The following FZD6 variants were observed in gnomAD, a reference collection of about 807,000 sequenced individuals.
The protein encoded by FZD6 is frizzled-6.
In FZD6, 49 loss-of-function variants were observed where a neutral mutation model predicts 61.4. The observed-to-expected ratio is 0.80, with a 90% confidence interval of 0.63 to 1.01. The LOEUF is 1.01. FZD6 is among the 50% of genes least tolerant of loss of function. The probability of loss-of-function intolerance (pLI) is 0.00; values close to 1 mark genes in which losing one functional copy is unlikely to be tolerated. For missense variants in FZD6, 724 were observed against 848.2 expected (o/e 0.85, Z 1.82); for synonymous variants, 265 against 292.2 (o/e 0.91, Z 0.95).
rs144873691 is a variant in FZD6, at chr8:103,331,100, C to T, written c.1953-241C>T. On this transcript the variant is annotated intron_variant, in intron 6 of 6. Transcript: ENST00000358755. Reference sequence around the variant, plus strand: ...GCTGAGGCAGGAGAATCGCTTGAACCCAAGAGGTGGAGGTTGCAGTGAGCT... The same window carrying T: ...GCTGAGGCAGGAGAATCGCTTGAACTCAAGAGGTGGAGGTTGCAGTGAGCT... 8.9e-3 allele frequency among the ~76,000 whole-genome samples: 1,360 copies of T among 152,166 alleles called. 21 individuals carry two copies. The highest frequency in any genetic ancestry group is 0.031 in the African/African-American group (1,269 of 41,500).
intron 2 of FZD6, among the ~76,000 whole-genome samples, chr8:103,311,161 A>G (rs1357666209): frequency 6.6e-6 from 1 of 152,188 alleles, no homozygotes; most frequent in Non-Finnish European, 1.5e-5. Flanking sequence ...TGCCAATACC[A>G]TTGGATACTT....
chr8:103,318,542 C>A (rs1184785283), intron 2 of FZD6, 48 bp from the exon 3 acceptor site: 2 of 1,019,466 alleles, frequency 2.0e-6, no homozygotes, highest in African/African-American at 1.6e-5. Context: ...TAATTTTATT[C>A]ATTTGTTATT....
intron 2 of FZD6, among the ~76,000 whole-genome samples, chr8:103,315,653 C>G (rs1814607483): frequency 6.6e-6 from 1 of 152,038 alleles, no homozygotes; most frequent in African/African-American, 2.4e-5. Context: ...GACAAGGGAG[C>G]CAGAGGAAAC....
At chr8:103,327,988 G>A (rs144296682) in intron 4 of FZD6, among the ~76,000 whole-genome samples, 115 of 152,104 alleles carry the variant, frequency 7.6e-4, no homozygotes, top group Middle Eastern at 6.8e-3. Context: ...TGTATCTATC[G>A]AGAAAAAAAT....
At chr8:103,309,553 T>C (rs1478960057) in intron 2 of FZD6, among the ~76,000 whole-genome samples, 1 of 152,228 alleles carries the variant, frequency 6.6e-6, no homozygotes, top group Admixed American at 6.5e-5. Flanking sequence ...TTTGATTTTC[T>C]TTCATGGTAG....
chr8:103,308,611 T>C (rs1814406943), intron 2 of FZD6, among the ~76,000 whole-genome samples: 1 of 152,206 alleles, frequency 6.6e-6, no homozygotes, highest in Admixed American at 6.5e-5. Flanking sequence ...GAGGGAACTC[T>C]GCTTGAAGAC....
At chr8:103,318,110 G>A (rs1814683151) in intron 2 of FZD6, among the ~76,000 whole-genome samples, 1 of 152,176 alleles carries the variant, frequency 6.6e-6, no homozygotes, top group Admixed American at 6.5e-5. Context: ...AGTCAGTAGA[G>A]ATAGAGAAGA....
Position 103,311,681 on chromosome 8 carries a change from T to TAAAA in FZD6, c.178-6891_178-6888dup, listed in dbSNP as rs34828148. ...GGCCACAGAGTGAGAACCTGTCTCT[T>TAAAA]AAAAAAAAAAAAAAAAAAAAAGTGT... On this transcript the variant is annotated intron_variant, in intron 2 of 6. Coordinates refer to ENST00000358755, the MANE Select transcript of FZD6 (RefSeq NM_003506.4). Among the ~76,000 whole-genome samples, 9 of 124,510 alleles carry TAAAA rather than the reference T, an allele frequency of 7.2e-5. No homozygotes were observed. In the South Asian group the frequency reaches 8.2e-4, roughly 11 times the overall value. The allele number at this position is 124,510 out of a possible 152,430, so 81.7% of individuals were successfully genotyped here.
intron 4 of FZD6, among the ~76,000 whole-genome samples, chr8:103,325,915 T>C (rs1370309667): frequency 6.6e-6 from 1 of 152,202 alleles, no homozygotes; most frequent in Admixed American, 6.5e-5. Context: ...GCTTTTTACA[T>C]AGTATATACT....
In FZD6 at chr8:103,332,333, C is replaced by CT. The variant is rs1286158299; in HGVS notation, c.*830dup. 2 of 152,072 alleles carry CT rather than the reference C, an allele frequency of 1.3e-5. No individual in the cohort carries two copies. Among genetic ancestry groups the CT allele is most frequent in the Non-Finnish European group, 2.9e-5 (2 of 67,968 alleles). 9.4% of individuals were successfully genotyped at this position (152,072 alleles called of 1,614,324 possible). ...ATTAGGCCAAGTGCAATTGACTTCC[C>CT]TTTTTTAATGTTTCATGACCACCCA... On this transcript the variant is annotated 3_prime_UTR_variant, in exon 7 of 7. Coordinates refer to ENST00000358755, the MANE Select transcript of FZD6 (RefSeq NM_003506.4).
chr8:103,314,142 C>T (rs1212447131), intron 2 of FZD6, among the ~76,000 whole-genome samples: 1 of 152,138 alleles, frequency 6.6e-6, no homozygotes, highest in Non-Finnish European at 1.5e-5. Context: ...AGGGAAGTGA[C>T]TTGTGTTTTC....
At chr8:103,308,220 A>G (rs1814396382) in intron 2 of FZD6, among the ~76,000 whole-genome samples, 1 of 152,200 alleles carries the variant, frequency 6.6e-6, no homozygotes, top group Admixed American at 6.5e-5. Flanking sequence ...TAGTCTACAC[A>G]TTTAAGAGCC....
intron 2 of FZD6, among the ~76,000 whole-genome samples, chr8:103,312,619 G>A (rs1331086084): frequency 6.6e-6 from 1 of 152,138 alleles, no homozygotes; most frequent in Non-Finnish European, 1.5e-5. Context: ...ATGGTACCCA[G>A]GACATTTTGA....
intron 6 of FZD6, among the ~76,000 whole-genome samples, chr8:103,330,525 A>T (rs1276010267): frequency 6.6e-6 from 1 of 152,236 alleles, no homozygotes; most frequent in Non-Finnish European, 1.5e-5. Context: ...GTAAGCCAGA[A>T]TGCAGACAGC....
At chr8:103,308,014 G>T in intron 2 of FZD6, 1 of 449,132 alleles carries the variant, frequency 2.2e-6, no homozygotes, top group South Asian at 1.6e-5. Flanking sequence ...CCATATTGAG[G>T]GCTTAAGGTT....
chr8:103,322,645 C>G (rs1338369803), intron 3 of FZD6, among the ~76,000 whole-genome samples: 1 of 152,124 alleles, frequency 6.6e-6, no homozygotes, highest in African/African-American at 2.4e-5. Flanking sequence ...TCTACTGATA[C>G]AGTGAGACCT....
At chr8:103,329,249 A>G (rs1158550139) in intron 5 of FZD6, among the ~76,000 whole-genome samples, 3 of 151,192 alleles carry the variant, frequency 2.0e-5, no homozygotes, top group Admixed American at 6.6e-5. Context: ...TAACGTTAGA[A>G]AGAAAAGACT....
At chr8:103,299,480 C>T (rs182618779) in intron 1 of FZD6, among the ~76,000 whole-genome samples, 2 of 152,304 alleles carry the variant, frequency 1.3e-5, no homozygotes, top group East Asian at 3.9e-4. Flanking sequence ...GTTGGCCTTA[C>T]GAAAATCGAG....
At chr8:103,316,464 G>A (rs1162356678) in intron 2 of FZD6, among the ~76,000 whole-genome samples, 2 of 152,236 alleles carry the variant, frequency 1.3e-5, no homozygotes, top group East Asian at 1.9e-4. Flanking sequence ...TAATTCCTGG[G>A]TCCCATATTA....
Sources: gnomAD v4.1 joint callset for allele counts (sites outside exome capture counted in the v4.1 genomes callset) on GRCh38, gnomAD v4.1.1 for gene constraint, MANE v1.5 for transcripts, NCBI Gene and HGNC (gene_info 2026-07-23, HGNC 2026-07-21) for gene names.